Variants in AQR observed in about 807,000 individuals in gnomAD.
The protein encoded by AQR is RNA helicase aquarius.
AQR carries 61 observed loss-of-function variants against 180.5 expected under a neutral mutation model. That is an observed-to-expected ratio of 0.34 (90% confidence interval 0.28 to 0.42). The LOEUF is 0.42. Among genes scored for constraint, AQR ranks in the 10% least tolerant of loss-of-function variants. The pLI is 1.00. For synonymous variants in AQR, 551 were observed against 588.8 expected (o/e 0.94, Z 0.93); for missense variants, 1,281 against 1,798.3 (o/e 0.71, Z 5.20).
intron 17 of AQR, among the ~76,000 whole-genome samples, chr15:34,908,268 T>C (rs1441615951): frequency 6.6e-6 from 1 of 152,114 alleles, no homozygotes; most frequent in Admixed American, 6.5e-5. Context: ...AAACCCCGTC[T>C]CTACTAAAAA....
At chr15:34,888,438 C>G (rs1345466905) in intron 24 of AQR, among the ~76,000 whole-genome samples, 1 of 152,052 alleles carries the variant, frequency 6.6e-6, no homozygotes, top group Non-Finnish European at 1.5e-5. Flanking sequence ...GTGGCACACG[C>G]CTGTAATCCT....
At chr15:34,945,998 C>T (rs1251339244) in intron 5 of AQR, among the ~76,000 whole-genome samples, 1 of 152,204 alleles carries the variant, frequency 6.6e-6, no homozygotes, top group African/African-American at 2.4e-5. Flanking sequence ...AGGCCAGGCA[C>T]AGTGACTCAT....
At chr15:34,895,517 G>A (rs80152086) in intron 22 of AQR, among the ~76,000 whole-genome samples, 9,651 of 151,478 alleles carry the variant, frequency 0.064, 345 homozygotes, top group Middle Eastern at 0.092. Context: ...AAGAAATATC[G>A]TGCAAACACC....
chr15:34,878,504 A>G (rs894355403), intron 27 of AQR, among the ~76,000 whole-genome samples: 3 of 152,156 alleles, frequency 2.0e-5, no homozygotes, highest in Non-Finnish European at 4.4e-5. Context: ...AACTTGGTAC[A>G]TAGCTGACGC....
chr15:34,863,278 C>A (rs919039579), intron 32 of AQR: 1 of 394,478 alleles, frequency 2.5e-6, no homozygotes, highest in Admixed American at 3.9e-5. Context: ...ACAAAATAAC[C>A]AATGCACTTA....
At chr15:34,948,210 G>A (rs1894158207) in intron 5 of AQR, 54 bp downstream of exon 5, 2 of 1,577,182 alleles carry the variant, frequency 1.3e-6, no homozygotes, top group East Asian at 4.6e-5. Flanking sequence ...CTGCCACTTT[G>A]TAATGGCTTA....
intron 9 of AQR, among the ~76,000 whole-genome samples, chr15:34,937,820 G>A (rs1171794712): frequency 6.6e-6 from 1 of 151,902 alleles, no homozygotes; most frequent in Admixed American, 6.6e-5. Context: ...GGAGACGGAG[G>A]TTGCAGTGAG....
At chr15:34,879,411 T>C (rs914418875) in intron 27 of AQR, among the ~76,000 whole-genome samples, 1 of 152,206 alleles carries the variant, frequency 6.6e-6, no homozygotes, top group African/African-American at 2.4e-5. Context: ...AATCTACACA[T>C]GCCATCCAAG....
intron 26 of AQR, among the ~76,000 whole-genome samples, chr15:34,883,424 C>G (rs1237775190): frequency 6.6e-6 from 1 of 152,068 alleles, no homozygotes; most frequent in African/African-American, 2.4e-5. Context: ...AACCTTCTGC[C>G]TACTCCCTCC....
intron 16 of AQR, among the ~76,000 whole-genome samples, chr15:34,914,062 T>C (rs774363308): frequency 3.9e-5 from 6 of 152,242 alleles, no homozygotes; most frequent in Non-Finnish European, 8.8e-5. Context: ...AGCAGAAGCC[T>C]GGAAGATACC....
At chr15:34,930,404 T>C (rs1893834202) in intron 11 of AQR, 33 bp from the exon 12 acceptor site, 1 of 1,245,524 alleles carries the variant, frequency 8.0e-7, no homozygotes. Flanking sequence ...ATAAATCATA[T>C]GAACATAAGG....
chr15:34,917,974 C>A (rs1893622096), intron 15 of AQR, among the ~76,000 whole-genome samples: 1 of 152,010 alleles, frequency 6.6e-6, no homozygotes, highest in Non-Finnish European at 1.5e-5. Flanking sequence ...CAGAGCAAGA[C>A]CCTGTCTCAC....
intron 2 of AQR, among the ~76,000 whole-genome samples, chr15:34,961,612 CAAAAAAAAAAA>C (rs1178777471): frequency 7.4e-5 from 2 of 26,860 alleles, no homozygotes; most frequent in Non-Finnish European, 1.3e-4. Context: ...GACTCCATCT[CAAAAAAAAAAA>C]AAAAAAAAAA....
Position 34,884,519 on chromosome 15 carries a change from C to A in AQR, c.3027+6G>T. On this transcript the variant is annotated splice_donor_region_variant and intron_variant, in intron 26 of 34. Coordinates refer to ENST00000156471, the MANE Select transcript of AQR (RefSeq NM_014691.3). ...AGGGAAGTTCAAAGAACTTGAGAAT[C>A]CTTACCTCAAGCTGCGTAAAGATTT... 1 of 1,568,808 alleles carries A rather than the reference C, an allele frequency of 6.4e-7. No homozygotes were observed. Among genetic ancestry groups the A allele is most frequent in the Non-Finnish European group, 8.6e-7 (1 of 1,162,594 alleles).
Position 34,856,136 on chromosome 15 carries a change from G to GTGGAGAA in AQR, c.*649_*655dup, listed in dbSNP as rs147168590. On this transcript the variant is annotated 3_prime_UTR_variant, in exon 35 of 35. Coordinates refer to ENST00000156471, the MANE Select transcript of AQR (RefSeq NM_014691.3). ...TGCCAGCAACCCAAACATTAGTGGT[G>GTGGAGAA]TGGAGAACCTCCTAAAATATAGATT... 0.02 allele frequency: 3,136 copies of GTGGAGAA among 156,050 alleles called. 114 individuals are homozygous for GTGGAGAA. The highest frequency in any genetic ancestry group is 0.071 in the African/African-American group (2,969 of 41,778). 9.7% of individuals were successfully genotyped at this position (156,050 alleles called of 1,614,324 possible).
rs749208057 is a variant in AQR at position 34,904,452 on chromosome 15, A to T, written c.1885T>A (p.Leu629Met). 1.2e-6 allele frequency: 2 copies of T among 1,612,576 alleles called. No homozygotes were observed. Among genetic ancestry groups the T allele is most frequent in the East Asian group, 4.5e-5 (2 of 44,728 alleles). ...RGESRTFRVF[L>M]DPNQYQQDMT... ...TCTTGTTGATACTGGTTTGGATCCA[A>T]AAACACTCTAAATGTCCTTGATTCT... is the stretch of plus-strand genomic sequence containing the variant. The change falls in exon 19 of 35, where the codon TTG becomes ATG. Residue 629 changes from leucine (L) to methionine (M), a missense_variant. Physicochemically the swap from Leu to Met is conservative, Grantham distance 15 (BLOSUM62 2). This residue lies in a region of AQR where 200 missense variants were observed against 293.4 expected (regional missense o/e 0.68). Coordinates refer to ENST00000156471, the MANE Select transcript of AQR (RefSeq NM_014691.3).
At position 34,870,903 on chromosome 15, in the gene AQR, T is replaced by C. The variant is rs1595781757; in HGVS notation, c.3617A>G (p.Tyr1206Cys). The C allele has an allele frequency of 6.2e-7, 1 of 1,612,528 alleles. No homozygotes were observed. The highest frequency in any genetic ancestry group is 8.5e-7 in the Non-Finnish European group (1 of 1,179,148). The stretch of plus-strand genomic sequence containing the variant: ...CATGTACATAAAAAGTGCTACTACA[T>C]ATTCTGCCTCTCCAAGATTCTGTAA... ...YFYQNLGEAE[Y>C]VVALFMYMCL... Residue 1206 changes from tyrosine to cysteine, a missense_variant, in exon 31 of 35, where the codon TAT (tyrosine) becomes TGT (cysteine). By Grantham distance (194) the Tyr-to-Cys change is radical. Transcript: ENST00000156471.
chr15:34,930,652 G>A (rs1185647127), intron 11 of AQR, among the ~76,000 whole-genome samples: 5 of 152,116 alleles, frequency 3.3e-5, no homozygotes, highest in Admixed American at 6.6e-5. Flanking sequence ...GACACGTTAA[G>A]GAGATAATCT....
chr15:34,925,841 C>G (rs28514282), intron 13 of AQR, among the ~76,000 whole-genome samples: 10 of 145,960 alleles, frequency 6.9e-5, no homozygotes, highest in Non-Finnish European at 1.2e-4. Flanking sequence ...TCAAAAAAAA[C>G]AAAAAAAAAG....
Sources: gnomAD v4.1 joint callset for allele counts (sites outside exome capture counted in the v4.1 genomes callset) on GRCh38, gnomAD v4.1.1 for gene constraint, gnomAD v4.1.1 regional missense constraint, MANE v1.5 for transcripts, NCBI Gene and HGNC (gene_info 2026-07-23, HGNC 2026-07-21) for gene names.